ABHD1: variants seen among roughly 807,000 people sequenced by gnomAD.
ABHD1 encodes abhydrolase domain containing 1.
A neutral mutation model predicts 41.4 loss-of-function variants in ABHD1; 47 were observed. That is an observed-to-expected ratio of 1.13 (90% CI 0.90 to 1.45). ABHD1 has a LOEUF of 1.45. ABHD1 is among the 40% of genes most tolerant of loss of function. ABHD1 has a pLI of 0.00. For missense variants in ABHD1, 550 were observed against 503.4 expected, an observed-to-expected ratio of 1.09 and a Z score of -0.89; for synonymous variants, 205 against 203.7, an observed-to-expected ratio of 1.01 and a Z score of -0.05.
rs1277214733 is a variant in ABHD1 at position 27,129,372 on chromosome 2, G to A, written c.504+11G>A. 2 of 1,614,106 alleles carry A rather than the reference G, an allele frequency of 1.2e-6. No individual in the cohort carries two copies. ...GGGGAGGAACTGCGGGTGAGTAGCT[G>A]CCTTCCTCATAGCAGCCCTTCACCC... On this transcript the variant is annotated intron_variant, in intron 4 of 8. Transcript: ENST00000316470.
chr2:27,130,288 C>A lies in ABHD1; in HGVS notation c.878C>A (p.Ser293Tyr). 2 of 1,614,160 alleles carry A rather than the reference C, an allele frequency of 1.2e-6. No individual in the cohort carries two copies. The highest frequency in any genetic ancestry group is 1.7e-6 in the Non-Finnish European group (2 of 1,180,016). The part of the protein sequence containing the change: ...TIRQFDERYT[S>Y]VAFGYQDCVT... ...CGCCAGTTTGATGAGCGCTACACAT[C>A]TGTGGCCTTTGGATATCAAGACTGT... The change falls in exon 8 of 9, where the codon TCT becomes TAT. Residue 293 changes from serine (S) to tyrosine (Y), a missense_variant. By Grantham distance (144) the Ser-to-Tyr change is moderately radical (BLOSUM62 -2). Transcript: ENST00000316470.
In ABHD1 at chr2:27,123,843, C is replaced by T. The variant is rs965109842; in HGVS notation, c.-106C>T. On this transcript the variant is annotated 5_prime_UTR_variant, in exon 1 of 9. Coordinates refer to ENST00000316470, the MANE Select transcript of ABHD1 (RefSeq NM_032604.4). ...AGCGCAAACTGCCTGCAGCGGGGAC[C>T]GGACCTGCACAGGCCGCCTATGGCG... is the stretch of plus-strand genomic sequence containing the variant. 9 of 935,804 alleles carry T rather than the reference C, an allele frequency of 9.6e-6. No homozygotes were observed. Among genetic ancestry groups the T allele is most frequent in the African/African-American group, 8.2e-5 (5 of 61,024 alleles). 58.0% of individuals were successfully genotyped at this position (935,804 alleles called of 1,614,324 possible).
At position 27,130,558 on chromosome 2, in the gene ABHD1, C is replaced by A; in HGVS notation, c.1032C>A (p.His344Gln). The part of the protein sequence containing the change: ...VCALPIQAAQ[H>Q]SPYVALLITA... ...CCCTTCCCATACAGGCCGCCCAACACTCCCCCTACGTTGCGCTGCTCATCA... is the reference window on the plus strand; with the variant it reads ...CCCTTCCCATACAGGCCGCCCAACAATCCCCCTACGTTGCGCTGCTCATCA... Residue 344 changes from histidine (H) to glutamine (Q), a missense_variant, in exon 9 of 9, where the codon CAC becomes CAA. Coordinates refer to ENST00000316470, the MANE Select transcript of ABHD1 (RefSeq NM_032604.4). 1 of 1,614,224 alleles carries A rather than the reference C, an allele frequency of 6.2e-7. No individual in the cohort carries two copies. The highest frequency in any genetic ancestry group is 2.2e-5 in the East Asian group (1 of 44,880).
At chr2:27,128,668 T>G (rs956035422) in intron 2 of ABHD1, 67 bp downstream of exon 2, 1 of 1,586,672 alleles carries the variant, frequency 6.3e-7, no homozygotes, top group Admixed American at 1.7e-5. Context: ...ATCTACCACT[T>G]TTAAAATGTA....
intron 1 of ABHD1, chr2:27,126,713 A>G (rs1444434843): frequency 6.6e-6 from 1 of 152,134 alleles, no homozygotes; most frequent in African/African-American, 2.4e-5. Context: ...ATGAAGGAAG[A>G]AAAAAATCGA....
In ABHD1 at chr2:27,129,042, GTGC is replaced by G. The variant is rs1558474556; in HGVS notation, c.381_383del (p.Leu128del). On this transcript the variant is annotated inframe_deletion, in exon 3 of 9. Coordinates refer to ENST00000316470, the MANE Select transcript of ABHD1 (RefSeq NM_032604.4). Reference sequence around the variant, plus strand: ...CCCTGATCCTACTACCCAGCCCATTGTGCTGCTGCTTCCTGGCATCACTGGCAG... The same window carrying G: ...CCCTGATCCTACTACCCAGCCCATTGTGCTGCTTCCTGGCATCACTGGCAG... The G allele has an allele frequency of 1.2e-6, 2 of 1,614,164 alleles. No individual in the cohort carries two copies. The highest frequency in any genetic ancestry group is 1.7e-5 in the Admixed American group (1 of 60,012).
In ABHD1 at chr2:27,128,980, TGCTAG is replaced by T; in HGVS notation, c.312_316del (p.Asp106GlyfsTer5). On this transcript the variant is annotated frameshift_variant, in exon 3 of 9. Coordinates refer to ENST00000316470, the MANE Select transcript of ABHD1 (RefSeq NM_032604.4). LOFTEE classifies it high-confidence loss of function. ...CAAACACCAGATGGAGGCCAGCTCCTGCTAGACTGGGCCAAGCAGCCTGACAGCAG... is the reference window on the plus strand; with the variant it reads ...CAAACACCAGATGGAGGCCAGCTCCTACTGGGCCAAGCAGCCTGACAGCAG... 3.7e-6 allele frequency: 6 copies of T among 1,614,192 alleles called. No individual in the cohort carries two copies. Among genetic ancestry groups the T allele is most frequent in the Middle Eastern group, 3.3e-4 (2 of 6,062 alleles).
rs772621502 is a variant in ABHD1, at chr2:27,129,755, A to ATACT, written c.620_623dup (p.Val209ThrfsTer29). 1.2e-4 allele frequency: 200 copies of ATACT among 1,613,966 alleles called. No individual in the cohort carries two copies. In the Middle Eastern group the frequency reaches 2.3e-3, roughly 19 times the overall value. ...ATGGTCCCTTGTCCAATTCCACAGG[A>ATACT]TACTGGTGCTGAATCACCTGGCACA... On this transcript the variant is annotated frameshift_variant and splice_region_variant, in exon 6 of 9. Transcript: ENST00000316470. LOFTEE classifies it high-confidence loss of function.
intron 1 of ABHD1, 162 bp from the exon 2 acceptor site, chr2:27,128,279 T>G: frequency 6.1e-6 from 5 of 818,334 alleles, no homozygotes; most frequent in Non-Finnish European, 1.0e-5. Flanking sequence ...ATTATCAGAC[T>G]TGGCCATTCA....
rs1558476516 is a variant in ABHD1 at position 27,130,351 on chromosome 2, T to TA, written c.942dup (p.Asp315ArgfsTer15). ...AAAGCAGCAAGCCCTAGAACCAAGA[T>TA]AGATGCCATCCGGATCCCTGTGCTC... On this transcript the variant is annotated frameshift_variant, in exon 8 of 9. Transcript: ENST00000316470. LOFTEE classifies it high-confidence loss of function. 6.2e-7 allele frequency: 1 copy of TA among 1,614,048 alleles called. No homozygotes were observed. Among genetic ancestry groups the TA allele is most frequent in the African/African-American group, 1.3e-5 (1 of 74,912 alleles).
intron 1 of ABHD1, chr2:27,125,279 T>C (rs1294435037): frequency 6.6e-6 from 1 of 152,224 alleles, no homozygotes; most frequent in African/African-American, 2.4e-5. Context: ...TTCCTTTACT[T>C]GCAACTAGCT....
At chr2:27,126,280 A>C (rs1440180222) in intron 1 of ABHD1, 1 of 152,210 alleles carries the variant, frequency 6.6e-6, no homozygotes, top group Non-Finnish European at 1.5e-5. Context: ...CAAACCACTT[A>C]ATCTCTGTCA....
intron 1 of ABHD1, among the ~76,000 whole-genome samples, chr2:27,127,860 G>A (rs985612046): frequency 1.3e-5 from 2 of 151,994 alleles, no homozygotes; most frequent in Non-Finnish European, 2.9e-5. Flanking sequence ...GCGCCCGGCC[G>A]GCTTCATTTT....
intron 3 of ABHD1, 43 bp downstream of exon 3, chr2:27,129,170 C>CGT: frequency 6.2e-7 from 1 of 1,600,720 alleles, no homozygotes. Flanking sequence ...CATCTGAGAA[C>CGT]GTGTATTAGG....
rs758784350 is a variant in ABHD1 at position 27,130,207 on chromosome 2, C to T, written c.841-44C>T. On this transcript the variant is annotated intron_variant, in intron 7 of 8. Transcript: ENST00000316470. Reference sequence around the variant, plus strand: ...CCCCAAATGAGTCTTCCACTATCTTCCTATTCTTTATCATCTTAGCCTATC... The same window carrying T: ...CCCCAAATGAGTCTTCCACTATCTTTCTATTCTTTATCATCTTAGCCTATC... 6 of 1,614,168 alleles carry T rather than the reference C, an allele frequency of 3.7e-6. No homozygotes were observed. In the South Asian group the frequency reaches 5.5e-5, roughly 15 times the overall value.
rs745366093 is a variant in ABHD1, at chr2:27,130,778, T to G, written c.*34T>G. 1 of 1,597,532 alleles carries G rather than the reference T, an allele frequency of 6.3e-7. No individual in the cohort carries two copies. The highest frequency in any genetic ancestry group is 1.7e-5 in the Admixed American group (1 of 59,764). Reference sequence around the variant, plus strand: ...CCATTTGGGGTCTCAGTTCACTCTTTCCTTGTTTATTAAATATCAACTTTT... The same window carrying G: ...CCATTTGGGGTCTCAGTTCACTCTTGCCTTGTTTATTAAATATCAACTTTT... On this transcript the variant is annotated 3_prime_UTR_variant, in exon 9 of 9. Coordinates refer to ENST00000316470, the MANE Select transcript of ABHD1 (RefSeq NM_032604.4).
rs754481629 is a variant in ABHD1 at position 27,130,139 on chromosome 2, G to C, written c.826G>C (p.Asp276His). 9 of 1,614,196 alleles carry C rather than the reference G, an allele frequency of 5.6e-6. No homozygotes were observed. The highest frequency in any genetic ancestry group is 2.2e-5 in the South Asian group (2 of 91,082). ...GGTGATTGAAAAGGTGGTGGACATAGACTTTGTACTACAGGTATAATATTC... is the reference window on the plus strand; with the variant it reads ...GGTGATTGAAAAGGTGGTGGACATACACTTTGTACTACAGGTATAATATTC... ...RKVIEKVVDI[D>H]FVLQARTIRQ... The change falls in exon 7 of 9, where the codon GAC becomes CAC. Residue 276 changes from aspartate (D) to histidine (H), a missense_variant. Transcript: ENST00000316470.
chr2:27,124,090 G>C (rs764947361), intron 1 of ABHD1, 28 bp downstream of exon 1: 2 of 1,603,268 alleles, frequency 1.2e-6, no homozygotes, highest in Non-Finnish European at 1.7e-6. Flanking sequence ...GCTCTGGCCA[G>C]CGGGTTTGGG....
rs1672147284 is a variant in ABHD1, at chr2:27,129,763, G to A, written c.627G>A (p.Val209=). The change falls in exon 6 of 9, where the codon GTG becomes GTA. Residue 209 remains valine (V), a synonymous_variant. Transcript: ENST00000316470. The part of the protein sequence containing the change: ...AVGISFGGIL[V]LNHLAQARQA... Reference sequence around the variant, plus strand: ...TTGTCCAATTCCACAGGATACTGGTGCTGAATCACCTGGCACAGGCCAGGC... The same window carrying A: ...TTGTCCAATTCCACAGGATACTGGTACTGAATCACCTGGCACAGGCCAGGC... 3 of 1,614,070 alleles carry A rather than the reference G, an allele frequency of 1.9e-6. No homozygotes were observed. The highest frequency in any genetic ancestry group is 1.7e-6 in the Non-Finnish European group (2 of 1,180,036).
Sources: gnomAD v4.1 joint callset for allele counts (sites outside exome capture counted in the v4.1 genomes callset) on GRCh38, gnomAD v4.1.1 for gene constraint, MANE v1.5 for transcripts, NCBI Gene and HGNC (gene_info 2026-07-23, HGNC 2026-07-21) for gene names.